TTC21B: variants seen among roughly 807,000 people sequenced by gnomAD.
The protein encoded by TTC21B is tetratricopeptide repeat protein 21B.
In TTC21B, 127 loss-of-function variants were observed where a neutral mutation model predicts 175.1. The ratio of observed to expected loss-of-function variants is 0.73; its 90% CI spans 0.63 to 0.84. The LOEUF is 0.84. Among genes scored for constraint, TTC21B ranks in the 40% least tolerant of loss-of-function variants. The pLI, the probability that TTC21B is intolerant of heterozygous loss-of-function variation, is 0.00. For synonymous variants in TTC21B, 524 were observed against 524.5 expected (o/e 1.00, Z 0.01); for missense variants, 1,561 against 1,558.3 (o/e 1.00, Z -0.03).
At chr2:165,910,984 T>A (rs1685912971) in intron 18 of TTC21B, among the ~76,000 whole-genome samples, 1 of 152,158 alleles carries the variant, frequency 6.6e-6, no homozygotes, top group African/African-American at 2.4e-5. Flanking sequence ...TATATTCTTT[T>A]ATAGAGCTTG....
At chr2:165,884,425 C>A (rs1338149641) in intron 25 of TTC21B, among the ~76,000 whole-genome samples, 2 of 152,164 alleles carry the variant, frequency 1.3e-5, no homozygotes, top group Non-Finnish European at 2.9e-5. Flanking sequence ...TTAGTTCTTT[C>A]ACCTGTCAAA....
At chr2:165,894,451 A>C (rs1685294761) in intron 22 of TTC21B, among the ~76,000 whole-genome samples, 1 of 152,222 alleles carries the variant, frequency 6.6e-6, no homozygotes, top group Admixed American at 6.5e-5. Flanking sequence ...CATGTTTTAG[A>C]GTAATTCCAA....
chr2:165,933,526 C>T (rs780652087), intron 6 of TTC21B, among the ~76,000 whole-genome samples: 26 of 151,830 alleles, frequency 1.7e-4, no homozygotes, highest in Admixed American at 5.2e-4. Flanking sequence ...GAACAAAAAC[C>T]AAAAAGAAAA....
intron 22 of TTC21B, among the ~76,000 whole-genome samples, chr2:165,891,675 A>G (rs961696733): frequency 2.6e-5 from 4 of 152,072 alleles, no homozygotes; most frequent in African/African-American, 4.8e-5. Flanking sequence ...TTCCAATTCT[A>G]TCTAGTTCTC....
intron 13 of TTC21B, among the ~76,000 whole-genome samples, chr2:165,918,904 C>A: frequency 6.6e-6 from 1 of 152,170 alleles, no homozygotes; most frequent in East Asian, 1.9e-4. Flanking sequence ...AATAAACAGA[C>A]AATTATTATC....
intron 8 of TTC21B, 80 bp downstream of exon 8, chr2:165,931,678 T>C: frequency 4.2e-6 from 5 of 1,201,304 alleles, no homozygotes; most frequent in Non-Finnish European, 6.2e-6. Flanking sequence ...CATATGCTCT[T>C]CCCTGCTTCC....
At chr2:165,945,862 G>C (rs1296326296) in intron 3 of TTC21B, among the ~76,000 whole-genome samples, 172 bp from the exon 4 acceptor site, 2 of 152,048 alleles carry the variant, frequency 1.3e-5, no homozygotes, top group Non-Finnish European at 2.9e-5. Flanking sequence ...CACTATCAAA[G>C]AAATAGAAAG....
intron 22 of TTC21B, among the ~76,000 whole-genome samples, chr2:165,892,917 T>G (rs1214697666): frequency 6.6e-6 from 1 of 152,176 alleles, no homozygotes; most frequent in East Asian, 1.9e-4. Context: ...TAAAAAAGAC[T>G]TTTGGAAATA....
chr2:165,925,189 C>T (rs992436484), intron 11 of TTC21B, among the ~76,000 whole-genome samples: 33 of 152,158 alleles, frequency 2.2e-4, no homozygotes, highest in Admixed American at 1.8e-3. Context: ...ACTCACTATG[C>T]TAAACTAAAT....
intron 13 of TTC21B, among the ~76,000 whole-genome samples, chr2:165,917,958 G>C (rs894262731): frequency 6.6e-6 from 1 of 152,068 alleles, no homozygotes; most frequent in African/African-American, 2.4e-5. Flanking sequence ...TAAATATGTA[G>C]TTCTGAAGCT....
rs144295996 is a variant in TTC21B at position 165,946,199 on chromosome 2, C to T, written c.263-509G>A. 9.4e-5 allele frequency among the ~76,000 whole-genome samples: 14 copies of T among 149,636 alleles called. 1 individual carries two copies. In the East Asian group the frequency reaches 2.4e-3, roughly 25 times the overall value. ...AAAAAAAAAAAAAAAATTAGCCGGGCGTGATAGCGTGCACCTGTAGTCCCA... is the reference window on the plus strand; with the variant it reads ...AAAAAAAAAAAAAAAATTAGCCGGGTGTGATAGCGTGCACCTGTAGTCCCA... On this transcript the variant is annotated intron_variant, in intron 3 of 28. Coordinates refer to ENST00000243344, the MANE Select transcript of TTC21B (RefSeq NM_024753.5).
intron 6 of TTC21B, among the ~76,000 whole-genome samples, chr2:165,937,778 CACACACACA>C (rs1420310381): frequency 5.1e-5 from 3 of 59,230 alleles, no homozygotes; most frequent in African/African-American, 2.1e-4. Context: ...AAACCACACA[CACACACACA>C]CACACACACA....
rs746342325 is a variant in TTC21B, at chr2:165,945,519, G to C, written c.429+5C>G. 6.2e-7 allele frequency: 1 copy of C among 1,611,918 alleles called. No individual in the cohort carries two copies. Among genetic ancestry groups the C allele is most frequent in the East Asian group, 2.2e-5 (1 of 44,796 alleles). ...TTATTATTTTAAACTCAGAAAAATAGCTACCTGTTTACTACCATCTGATAT... is the reference window on the plus strand; with the variant it reads ...TTATTATTTTAAACTCAGAAAAATACCTACCTGTTTACTACCATCTGATAT... On this transcript the variant is annotated splice_donor_5th_base_variant and intron_variant, in intron 4 of 28. Coordinates refer to ENST00000243344, the MANE Select transcript of TTC21B (RefSeq NM_024753.5).
chr2:165,949,836 CTTTT>C, intron 1 of TTC21B, 112 bp from the exon 2 acceptor site: 1 of 1,076,688 alleles, frequency 9.3e-7, no homozygotes, highest in East Asian at 2.6e-5. Flanking sequence ...GGCAATGTGA[CTTTT>C]TTCTTCCAAG....
chr2:165,915,118 T>C (rs1686114946), intron 15 of TTC21B, 83 bp downstream of exon 15: 7 of 1,113,872 alleles, frequency 6.3e-6, no homozygotes, highest in African/African-American at 4.6e-5. Context: ...TGTGAAGCAG[T>C]TGAAAGAAAG....
chr2:165,953,567 G>A, intron 1 of TTC21B, 118 bp downstream of exon 1: 5 of 1,492,762 alleles, frequency 3.3e-6, no homozygotes, highest in East Asian at 2.5e-5. Context: ...CCGGGGCACC[G>A]CAGGGAAACA....
chr2:165,900,008 C>T, intron 20 of TTC21B, 128 bp from the exon 21 acceptor site: 1 of 139,402 alleles, frequency 7.2e-6, no homozygotes, highest in Non-Finnish European at 1.4e-5. Context: ...GTATAATAGA[C>T]AAAAAAAAAA....
chr2:165,936,825 G>A (rs981770544), intron 6 of TTC21B, among the ~76,000 whole-genome samples: 5 of 152,064 alleles, frequency 3.3e-5, no homozygotes, highest in Non-Finnish European at 5.9e-5. Flanking sequence ...TTTAAAGCAA[G>A]AGAAACTCTC....
At chr2:165,916,954 G>A (rs888760950) in intron 14 of TTC21B, among the ~76,000 whole-genome samples, 1 of 152,194 alleles carries the variant, frequency 6.6e-6, no homozygotes, top group South Asian at 2.1e-4. Context: ...TCGGCTCACT[G>A]CAACCTCCGC....
Sources: gnomAD v4.1 joint callset for allele counts (sites outside exome capture counted in the v4.1 genomes callset) on GRCh38, gnomAD v4.1.1 for gene constraint, MANE v1.5 for transcripts, NCBI Gene and HGNC (gene_info 2026-07-23, HGNC 2026-07-21) for gene names.